The following VWDE variants were observed in gnomAD, a reference collection of about 807,000 sequenced individuals.
The protein encoded by VWDE is von Willebrand factor D and EGF domain-containing protein.
In VWDE, 207 loss-of-function variants were observed where a neutral mutation model predicts 178.4. That is an observed-to-expected ratio of 1.16 (90% CI 1.04 to 1.30). The LOEUF is 1.30. VWDE is among the 50% of genes most tolerant of loss of function. VWDE has a pLI of 0.00. For missense variants in VWDE, 2,287 were observed against 1,901.3 expected (o/e 1.20, Z -3.77); for synonymous variants, 738 against 651.4 (o/e 1.13, Z -2.02).
Position 12,375,137 on chromosome 7 carries a change from T to C in VWDE, c.1115A>G (p.His372Arg), listed in dbSNP as rs1384735110. The C allele has an allele frequency of 6.4e-7, 1 of 1,551,266 alleles. No individual in the cohort carries two copies. The highest frequency in any genetic ancestry group is 8.7e-7 in the Non-Finnish European group (1 of 1,146,668). Reference protein sequence around the residue: ...TSSCANGTCSHTFVYYTAVTD... With the variant: ...TSSCANGTCSRTFVYYTAVTD... ...GACAGCAGTGTAGTACACAAAAGTG[T>C]GGCTACAGGTTCCATTAGCACAGGA... Residue 372 changes from histidine to arginine, a missense_variant, in exon 8 of 29, where the codon CAC becomes CGC. Transcript: ENST00000275358.
intron 17 of VWDE, 70 bp downstream of exon 17, chr7:12,357,195 T>C: frequency 2.0e-6 from 3 of 1,506,150 alleles, no homozygotes; most frequent in Non-Finnish European, 2.7e-6. Flanking sequence ...ATGGCTTGTA[T>C]TTTAAATTCA....
At chr7:12,388,370 T>TC (rs1436796388) in intron 3 of VWDE, among the ~76,000 whole-genome samples, 1 of 151,776 alleles carries the variant, frequency 6.6e-6, no homozygotes, top group African/African-American at 2.4e-5. Context: ...GCCAGGTTTC[T>TC]CCACTGTAAA....
chr7:12,367,852 A>G (rs1246846606), intron 12 of VWDE, among the ~76,000 whole-genome samples: 1 of 152,146 alleles, frequency 6.6e-6, no homozygotes, highest in South Asian at 2.1e-4. Context: ...GGGTTATAGA[A>G]AAAAATATTT....
intron 8 of VWDE, 83 bp downstream of exon 8, chr7:12,374,927 T>C (rs1783431095): frequency 2.2e-6 from 3 of 1,366,256 alleles, no homozygotes; most frequent in Non-Finnish European, 2.9e-6. Context: ...ATTTTTTACA[T>C]AAAAAGTTTA....
At chr7:12,375,275 A>T (rs1226772540) in intron 7 of VWDE, 48 bp from the exon 8 acceptor site, 1 of 1,256,998 alleles carries the variant, frequency 8.0e-7, no homozygotes, top group Non-Finnish European at 1.1e-6. Flanking sequence ...GAATATACTA[A>T]CCAAAGCATG....
At chr7:12,373,530 ACC>A (rs1783337347) in intron 9 of VWDE, among the ~76,000 whole-genome samples, 2 of 152,066 alleles carry the variant, frequency 1.3e-5, no homozygotes, top group East Asian at 1.9e-4. Context: ...GTTAAATGTC[ACC>A]CTCACCAAAT....
intron 1 of VWDE, among the ~76,000 whole-genome samples, chr7:12,397,938 G>A (rs987428150): frequency 1.3e-5 from 2 of 152,126 alleles, no homozygotes; most frequent in African/African-American, 4.8e-5. Flanking sequence ...GTGGGGAAAA[G>A]GGAACATTTA....
chr7:12,397,370 C>G (rs900544517), intron 1 of VWDE, among the ~76,000 whole-genome samples: 4 of 152,066 alleles, frequency 2.6e-5, no homozygotes, highest in Non-Finnish European at 5.9e-5. Flanking sequence ...TAGCCATAGG[C>G]AGAAGAATGA....
intron 6 of VWDE, among the ~76,000 whole-genome samples, chr7:12,379,071 A>G (rs1038141484): frequency 3.3e-5 from 5 of 152,120 alleles, no homozygotes; most frequent in African/African-American, 1.2e-4. Context: ...AGCTAGCTCA[A>G]TCTTTGCAGT....
intron 19 of VWDE, among the ~76,000 whole-genome samples, chr7:12,347,145 G>C (rs1011473341): frequency 6.6e-6 from 1 of 152,126 alleles, no homozygotes; most frequent in African/African-American, 2.4e-5. Context: ...CAGAAGAACT[G>C]CTTTAGATGA....
rs1782925133 is a variant in VWDE at position 12,367,463 on chromosome 7, T to C, written c.2792A>G (p.Asn931Ser). 6.5e-7 allele frequency: 1 copy of C among 1,537,544 alleles called. No homozygotes were observed. Among genetic ancestry groups the C allele is most frequent in the Non-Finnish European group, 8.8e-7 (1 of 1,140,284 alleles). ...TTTTTGAACATCACAGAATCCAGCA[T>C]TCCCAAGCTCTGTAATTTCAGGAGC... ...DKAPEITELG[N>S]AGFCDVQKYN... Residue 931 changes from asparagine to serine, a missense_variant, in exon 13 of 29, where the codon AAT becomes AGT. Physicochemically the swap from Asn to Ser is conservative, Grantham distance 46. Coordinates refer to ENST00000275358, the MANE Select transcript of VWDE (RefSeq NM_001135924.3).
Position 12,356,265 on chromosome 7 carries a change from T to C in VWDE, c.3591A>G (p.Pro1197=). Residue 1197 remains proline, a synonymous_variant, in exon 18 of 29, where the codon CCA becomes CCG. Transcript: ENST00000275358. Reference sequence around the variant, plus strand: ...AGACACACAGGTACACTCCACTCCCTGGAGAAAAGTTCCTATCAGATACAC... The same window carrying C: ...AGACACACAGGTACACTCCACTCCCCGGAGAAAAGTTCCTATCAGATACAC... ...GSCVSDRNFS[P]GSGVYLCVCL... is the part of the protein sequence containing the mutation. The C allele has an allele frequency of 6.4e-7, 1 of 1,551,546 alleles. No individual in the cohort carries two copies. Among genetic ancestry groups the C allele is most frequent in the Non-Finnish European group, 8.7e-7 (1 of 1,146,960 alleles).
chr7:12,399,258 C>A (rs1214007344), intron 1 of VWDE, among the ~76,000 whole-genome samples: 1 of 151,854 alleles, frequency 6.6e-6, no homozygotes, highest in Admixed American at 6.6e-5. Flanking sequence ...AAGCAGCAAC[C>A]AAAAGAAAGG....
intron 12 of VWDE, 74 bp from the exon 13 acceptor site, chr7:12,367,567 C>A: frequency 8.0e-7 from 1 of 1,256,420 alleles, no homozygotes; most frequent in Non-Finnish European, 1.1e-6. Context: ...ATTTCCAAGC[C>A]CCAAATTAAA....
chr7:12,354,836 T>G (rs1782137855), intron 18 of VWDE, among the ~76,000 whole-genome samples: 1 of 152,296 alleles, frequency 6.6e-6, no homozygotes, highest in Middle Eastern at 3.4e-3. Context: ...TAAAAGTTAT[T>G]TAGGATGGTT....
chr7:12,358,798 T>C (rs1458273300), intron 16 of VWDE, among the ~76,000 whole-genome samples: 2 of 152,222 alleles, frequency 1.3e-5, no homozygotes, highest in Non-Finnish European at 2.9e-5. Flanking sequence ...AGTTGTATTG[T>C]ATTTTCATCT....
rs970648896 is a variant in VWDE, at chr7:12,349,078, C to G, written c.3886+2495G>C. On this transcript the variant is annotated intron_variant, in intron 19 of 28. Coordinates refer to ENST00000275358, the MANE Select transcript of VWDE (RefSeq NM_001135924.3). Reference sequence around the variant, plus strand: ...ACATTACACTCTGGGGCCTGTTGTGCGGTGCGGGGAGAGGGGAGGGATAGC... The same window carrying G: ...ACATTACACTCTGGGGCCTGTTGTGGGGTGCGGGGAGAGGGGAGGGATAGC... Among the ~76,000 whole-genome samples the G allele has an allele frequency of 2.0e-4, 30 of 152,010 alleles. 2 individuals carry two copies. Among genetic ancestry groups the G allele is most frequent in the Middle Eastern group, 3.4e-3 (1 of 294 alleles).
chr7:12,387,883 CA>C (rs371244362), intron 3 of VWDE, among the ~76,000 whole-genome samples: 15,403 of 151,992 alleles, frequency 0.1, 1,029 homozygotes, highest in Non-Finnish European at 0.14. Flanking sequence ...TTGAGATTCA[CA>C]AAAAGGTCGC....
chr7:12,396,834 C>A (rs922923921), intron 1 of VWDE, among the ~76,000 whole-genome samples: 22 of 152,030 alleles, frequency 1.4e-4, no homozygotes, highest in Non-Finnish European at 2.4e-4. Flanking sequence ...ACTCGGGAGG[C>A]TGAGGCAGGA....
Sources: gnomAD v4.1 joint callset for allele counts (sites outside exome capture counted in the v4.1 genomes callset) on GRCh38, gnomAD v4.1.1 for gene constraint, MANE v1.5 for transcripts, NCBI Gene and HGNC (gene_info 2026-07-23, HGNC 2026-07-21) for gene names.